FNIP1: variants seen among roughly 807,000 people sequenced by gnomAD.
FNIP1 encodes the protein folliculin-interacting protein 1.
FNIP1 carries 40 observed loss-of-function variants against 124.5 expected under a neutral mutation model. That is an observed-to-expected ratio of 0.32 (90% confidence interval 0.25 to 0.42). The LOEUF (loss-of-function observed/expected upper bound fraction) is 0.42, where lower values mean the gene tolerates loss of function less well. Ranked by LOEUF, FNIP1 falls within the 10% of genes least tolerant of loss-of-function variation. The pLI, the probability that FNIP1 is intolerant of heterozygous loss-of-function variation, is 1.00. For missense variants in FNIP1, 1,176 were observed against 1,403.7 expected (o/e 0.84, Z 2.59); for synonymous variants, 472 against 470.6 (o/e 1.00, Z -0.04).
At chr5:131,768,638 C>CAG in intron 1 of FNIP1, among the ~76,000 whole-genome samples, 1 of 151,966 alleles carries the variant, frequency 6.6e-6, no homozygotes, top group Non-Finnish European at 1.5e-5. Flanking sequence ...GGTGAAGCCC[C>CAG]ATCTCTACTA....
chr5:131,796,952 C>G lies in FNIP1; in HGVS notation c.-31G>C. 1 of 1,569,468 alleles carries G rather than the reference C, an allele frequency of 6.4e-7. No homozygotes were observed. Among genetic ancestry groups the G allele is most frequent in the Non-Finnish European group, 8.6e-7 (1 of 1,156,414 alleles). The stretch of plus-strand genomic sequence containing the variant: ...CCACGGCCAGGCAGGGGTCGCTCCG[C>G]TGGGCGCTTGCTAGGCCCCTGCTCC... On this transcript the variant is annotated 5_prime_UTR_variant, in exon 1 of 18. Transcript: ENST00000510461.
At chr5:131,760,966 C>T (rs547529411) in intron 1 of FNIP1, among the ~76,000 whole-genome samples, 119 of 152,134 alleles carry the variant, frequency 7.8e-4, no homozygotes, top group African/African-American at 2.8e-3. Flanking sequence ...AAGAGCCAAG[C>T]CAAAAACATT....
intron 1 of FNIP1, among the ~76,000 whole-genome samples, chr5:131,775,660 T>G (rs1443314604): frequency 1.3e-5 from 2 of 151,556 alleles, no homozygotes; most frequent in African/African-American, 4.8e-5. Flanking sequence ...CCTGAGTACC[T>G]TGGATTGTAG....
intron 1 of FNIP1, among the ~76,000 whole-genome samples, chr5:131,749,635 G>A (rs1232718565): frequency 6.6e-6 from 1 of 151,944 alleles, no homozygotes; most frequent in Non-Finnish European, 1.5e-5. Context: ...CAGGTGATCC[G>A]CCTGCCTCGG....
chr5:131,704,409 C>G, intron 9 of FNIP1, 143 bp from the exon 10 acceptor site: 1 of 649,412 alleles, frequency 1.5e-6, no homozygotes, highest in East Asian at 2.9e-5. Context: ...TTGTATATCT[C>G]TTTAAGAAAT....
intron 2 of FNIP1, among the ~76,000 whole-genome samples, chr5:131,739,301 G>A (rs1180939179): frequency 6.6e-6 from 1 of 152,146 alleles, no homozygotes; most frequent in South Asian, 2.1e-4. Context: ...AAGAGTTTGA[G>A]ACCAGCCTGG....
Position 131,716,615 on chromosome 5 carries a change from GT to G in FNIP1, c.571del (p.Thr191HisfsTer2). 1 of 1,606,458 alleles carries G rather than the reference GT, an allele frequency of 6.2e-7. No individual in the cohort carries two copies. The highest frequency in any genetic ancestry group is 8.5e-7 in the Non-Finnish European group (1 of 1,176,710). On this transcript the variant is annotated frameshift_variant, in exon 6 of 18. Coordinates refer to ENST00000510461, the MANE Select transcript of FNIP1 (RefSeq NM_133372.3). LOFTEE classifies it high-confidence loss of function. ...SLEFINQDNN[T>X]LKADNNTVIN... ...AACTGTGTTATTATCAGCCTTTAAT[GT>G]ATTGTTGTCCTGATTGATGAATTCA...
chr5:131,761,336 G>A (rs1362631497), intron 1 of FNIP1, among the ~76,000 whole-genome samples: 1 of 152,096 alleles, frequency 6.6e-6, no homozygotes, highest in East Asian at 1.9e-4. Context: ...GTCAAATTAA[G>A]CTTGTCTGCA....
chr5:131,792,589 T>A (rs928425480), intron 1 of FNIP1, among the ~76,000 whole-genome samples: 42 of 152,328 alleles, frequency 2.8e-4, no homozygotes, highest in African/African-American at 1.0e-3. Flanking sequence ...GAATAAATGT[T>A]CATATATTTG....
At position 131,643,263 on chromosome 5, in the gene FNIP1, T is replaced by C. The variant is rs568215519; in HGVS notation, c.*1422A>G. 9 of 152,538 alleles carry C rather than the reference T, an allele frequency of 5.9e-5. No individual in the cohort carries two copies. In the East Asian group the frequency reaches 7.5e-4, roughly 13 times the overall value. The allele number at this position is 152,538 out of a possible 1,614,324, so 9.4% of individuals were successfully genotyped here. A position where few individuals can be genotyped will look rare whatever the true frequency, so the allele number is the denominator to read the frequency against. On this transcript the variant is annotated 3_prime_UTR_variant, in exon 18 of 18. Transcript: ENST00000510461. ...GTCAAAGACAACTTTCCATTAACTA[T>C]TGAAAATTTAAACAGCAAGAATGGA...
Position 131,703,935 on chromosome 5 carries a change from A to G in FNIP1, c.1116+130T>C, listed in dbSNP as rs111981711. ...CTTAAAAAGGGTTCAATCTATTTGCATCCACCAGAGCACTTTATAGGACAC... is the reference window on the plus strand; with the variant it reads ...CTTAAAAAGGGTTCAATCTATTTGCGTCCACCAGAGCACTTTATAGGACAC... On this transcript the variant is annotated intron_variant, in intron 10 of 17. Coordinates refer to ENST00000510461, the MANE Select transcript of FNIP1 (RefSeq NM_133372.3). 1,017 of 693,256 alleles carry G rather than the reference A, an allele frequency of 1.5e-3. 9 individuals carry two copies. In the African/African-American group the frequency reaches 0.017, roughly 12 times the overall value. The allele number at this position is 693,256 out of a possible 1,614,324, so 42.9% of individuals were successfully genotyped here. A position where few individuals can be genotyped will look rare whatever the true frequency, so the allele number is the denominator to read the frequency against.
chr5:131,725,586 G>C (rs1769832718), intron 3 of FNIP1, among the ~76,000 whole-genome samples: 1 of 152,166 alleles, frequency 6.6e-6, no homozygotes, highest in Non-Finnish European at 1.5e-5. Context: ...ACAGCTTTAG[G>C]AGATTTTGGC....
chr5:131,668,414 G>A (rs1044194668), intron 15 of FNIP1, among the ~76,000 whole-genome samples: 8 of 152,174 alleles, frequency 5.3e-5, no homozygotes, highest in African/African-American at 1.4e-4. Context: ...GGCCAGGTGC[G>A]GTGGCTCACG....
At chr5:131,658,950 C>CA (rs1345422783) in intron 15 of FNIP1, among the ~76,000 whole-genome samples, 5 of 63,742 alleles carry the variant, frequency 7.8e-5, no homozygotes, top group South Asian at 5.4e-4. Context: ...CCACCAAAAA[C>CA]AAAAAAACAA....
chr5:131,704,329 C>T (rs777598515), intron 9 of FNIP1, 63 bp from the exon 10 acceptor site: 18 of 1,359,302 alleles, frequency 1.3e-5, no homozygotes, highest in Non-Finnish European at 1.8e-5. Flanking sequence ...ATTTAATCTT[C>T]TTGCTAATTA....
At chr5:131,734,752 C>T (rs574281156) in intron 2 of FNIP1, among the ~76,000 whole-genome samples, 2 of 152,294 alleles carry the variant, frequency 1.3e-5, no homozygotes, top group East Asian at 3.9e-4. Context: ...CAAATCAAAA[C>T]CACAATGAGA....
intron 1 of FNIP1, among the ~76,000 whole-genome samples, chr5:131,745,565 AAC>A (rs1406456538): frequency 6.6e-6 from 1 of 152,138 alleles, no homozygotes; most frequent in Non-Finnish European, 1.5e-5. Context: ...ATCTCTTTAG[AAC>A]ACAGTTTTTT....
At chr5:131,679,463 G>A (rs1178766234) in intron 11 of FNIP1, among the ~76,000 whole-genome samples, 1 of 152,066 alleles carries the variant, frequency 6.6e-6, no homozygotes, top group Non-Finnish European at 1.5e-5. Flanking sequence ...TAAAATGAAA[G>A]GATACGATGA....
At chr5:131,734,433 T>C (rs954700099) in intron 2 of FNIP1, among the ~76,000 whole-genome samples, 2 of 152,148 alleles carry the variant, frequency 1.3e-5, no homozygotes, top group Non-Finnish European at 2.9e-5. Context: ...CCAAAAGCAA[T>C]GGCAACAAAA....
Sources: allele counts gnomAD v4.1 joint callset (sites outside exome capture counted in the v4.1 genomes callset), GRCh38; gene constraint gnomAD v4.1.1; transcripts MANE v1.5; gene names NCBI Gene and HGNC (gene_info 2026-07-23, HGNC 2026-07-21).